The following AKAP6 variants were observed in gnomAD, a reference collection of about 807,000 sequenced individuals.
AKAP6 encodes the protein A-kinase anchor protein 6.
In AKAP6, 58 loss-of-function variants were observed where a neutral mutation model predicts 188.5. That is an observed-to-expected ratio of 0.31 (90% CI 0.25 to 0.38). AKAP6 has a LOEUF of 0.38. AKAP6 is among the 10% of genes least tolerant of loss of function. The pLI is 1.00. For synonymous variants in AKAP6, 989 were observed against 998.6 expected, an observed-to-expected ratio of 0.99 and a Z score of 0.18; for missense variants, 2,710 against 2,740.0, an observed-to-expected ratio of 0.99 and a Z score of 0.24.
At chr14:32,752,895 G>A (rs544984680) in intron 11 of AKAP6, among the ~76,000 whole-genome samples, 2 of 145,008 alleles carry the variant, frequency 1.4e-5, no homozygotes, top group East Asian at 3.9e-4. Flanking sequence ...ATTTCATTAT[G>A]TGTGTGTGTG....
rs138829336 is a variant in AKAP6 at position 32,740,962 on chromosome 14, T to A, written c.3372+5080T>A. On this transcript the variant is annotated intron_variant, in intron 11 of 13. Transcript: ENST00000280979. Reference sequence around the variant, plus strand: ...TGTAGATTGCTTTGGATAGTATGGATGTTTTAATAATATTGATTCTTCCAA... The same window carrying A: ...TGTAGATTGCTTTGGATAGTATGGAAGTTTTAATAATATTGATTCTTCCAA... 3.3e-3 allele frequency among the ~76,000 whole-genome samples: 500 copies of A among 151,902 alleles called. 4 individuals carry two copies. Among genetic ancestry groups the A allele is most frequent in the Non-Finnish European group, 3.7e-3 (248 of 67,860 alleles).
At chr14:32,777,238 A>T (rs1481368338) in intron 12 of AKAP6, among the ~76,000 whole-genome samples, 2 of 152,216 alleles carry the variant, frequency 1.3e-5, no homozygotes, top group Non-Finnish European at 2.9e-5. Flanking sequence ...TTATAGGAAT[A>T]CAAATACCCA....
At chr14:32,610,878 A>G (rs986774111) in intron 7 of AKAP6, among the ~76,000 whole-genome samples, 3 of 152,184 alleles carry the variant, frequency 2.0e-5, no homozygotes, top group African/African-American at 7.2e-5. Context: ...AGTTTGACCT[A>G]TATACTGGAC....
At chr14:32,379,684 G>A (rs1888281637) in intron 1 of AKAP6, among the ~76,000 whole-genome samples, 1 of 152,050 alleles carries the variant, frequency 6.6e-6, no homozygotes, top group African/African-American at 2.4e-5. Flanking sequence ...TCTCTGACTG[G>A]ATCTTGACCT....
chr14:32,616,730 G>A (rs972537448), intron 7 of AKAP6, among the ~76,000 whole-genome samples: 1 of 152,040 alleles, frequency 6.6e-6, no homozygotes, highest in Admixed American at 6.6e-5. Context: ...ACCTGCACAT[G>A]TACCCCTGAA....
chr14:32,654,096 AAAT>A (rs1244617886), intron 7 of AKAP6, among the ~76,000 whole-genome samples: 1 of 152,208 alleles, frequency 6.6e-6, no homozygotes, highest in Non-Finnish European at 1.5e-5. Flanking sequence ...TCTTTATTAA[AAAT>A]CAGACTTTGC....
At chr14:32,399,914 C>T (rs940715263) in intron 1 of AKAP6, among the ~76,000 whole-genome samples, 16 of 151,866 alleles carry the variant, frequency 1.1e-4, no homozygotes, top group South Asian at 2.1e-4. Flanking sequence ...GCTGTGTTTC[C>T]CCAGGTGTTT....
chr14:32,596,678 C>T (rs1594771537), intron 5 of AKAP6, among the ~76,000 whole-genome samples: 1 of 152,148 alleles, frequency 6.6e-6, no homozygotes, highest in East Asian at 1.9e-4. Context: ...TCAGAGAATG[C>T]TCTGCATTTT....
At chr14:32,682,568 C>G (rs1295872581) in intron 8 of AKAP6, among the ~76,000 whole-genome samples, 1 of 152,096 alleles carries the variant, frequency 6.6e-6, no homozygotes, top group East Asian at 1.9e-4. Flanking sequence ...TTTCATAGGA[C>G]TGAAGAGGAG....
chr14:32,545,243 C>A lies in AKAP6; in HGVS notation c.590C>A (p.Ser197Tyr), dbSNP rs758792601. 1 of 1,612,424 alleles carries A rather than the reference C, an allele frequency of 6.2e-7. No homozygotes were observed. The highest frequency in any genetic ancestry group is 8.5e-7 in the Non-Finnish European group (1 of 1,178,698). Residue 197 changes from serine (S) to tyrosine (Y), a missense_variant, in exon 4 of 14, where the codon TCT (serine) becomes TAT (tyrosine). Coordinates refer to ENST00000280979, the MANE Select transcript of AKAP6 (RefSeq NM_004274.5). ...TGTCTGTTTCAGGGCCGGCTTGATT[C>A]TCTAACAGAAGTGGATGACTCAGGA... is the stretch of plus-strand genomic sequence containing the variant. ...SEETKEGRLD[S>Y]LTEVDDSGQL...
chr14:32,405,711 A>T (rs1413923238), intron 1 of AKAP6, among the ~76,000 whole-genome samples: 1 of 131,612 alleles, frequency 7.6e-6, no homozygotes, highest in Non-Finnish European at 1.7e-5. Context: ...GTGAGTTCTC[A>T]TGAGATCTGA....
intron 12 of AKAP6, among the ~76,000 whole-genome samples, chr14:32,807,821 A>G (rs1442242442): frequency 1.3e-5 from 2 of 152,222 alleles, no homozygotes; most frequent in Non-Finnish European, 1.5e-5. Context: ...TTTGTTTCCT[A>G]AATTTTAAAG....
intron 1 of AKAP6, among the ~76,000 whole-genome samples, chr14:32,331,944 G>C (rs1430581003): frequency 6.6e-6 from 1 of 152,076 alleles, no homozygotes; most frequent in Admixed American, 6.6e-5. Context: ...TAACTAGGCC[G>C]CATAGGGATG....
intron 7 of AKAP6, among the ~76,000 whole-genome samples, chr14:32,664,917 T>C (rs1216303818): frequency 6.6e-6 from 1 of 152,136 alleles, no homozygotes; most frequent in African/African-American, 2.4e-5. Flanking sequence ...GCTGTGCAAA[T>C]AGATTTCCAC....
intron 5 of AKAP6, among the ~76,000 whole-genome samples, chr14:32,579,491 G>C (rs1884871209): frequency 6.6e-6 from 1 of 152,090 alleles, no homozygotes; most frequent in South Asian, 2.1e-4. Context: ...TTAAATTACA[G>C]TCTCAAATTT....
intron 4 of AKAP6, among the ~76,000 whole-genome samples, chr14:32,548,905 CT>C (rs535566048): frequency 2.6e-5 from 4 of 151,986 alleles, no homozygotes; most frequent in Non-Finnish European, 4.4e-5. Flanking sequence ...TTTTTTTGTT[CT>C]GTTTTTTGTT....
intron 1 of AKAP6, among the ~76,000 whole-genome samples, chr14:32,410,355 AC>A (rs1193234927): frequency 1.3e-5 from 2 of 152,078 alleles, no homozygotes; most frequent in African/African-American, 4.8e-5. Flanking sequence ...GATAAACTTA[AC>A]CCATTGTCAA....
intron 12 of AKAP6, among the ~76,000 whole-genome samples, chr14:32,775,739 C>A (rs2033040632): frequency 1.3e-5 from 2 of 152,118 alleles, no homozygotes; most frequent in African/African-American, 4.8e-5. Flanking sequence ...TTTTATTCTA[C>A]TTCTATGGTA....
At chr14:32,593,533 G>A (rs573502015) in intron 5 of AKAP6, among the ~76,000 whole-genome samples, 1 of 152,320 alleles carries the variant, frequency 6.6e-6, no homozygotes, top group South Asian at 2.1e-4. Flanking sequence ...TGGGATGGTT[G>A]AGAGACAGAG....
Sources: allele counts gnomAD v4.1 joint callset (sites outside exome capture counted in the v4.1 genomes callset), GRCh38; gene constraint gnomAD v4.1.1; transcripts MANE v1.5; gene names NCBI Gene and HGNC (gene_info 2026-07-23, HGNC 2026-07-21).